DHRS4L2: variants seen among roughly 807,000 people sequenced by gnomAD.
DHRS4L2 encodes the protein dehydrogenase/reductase 4 like 2, also known as dehydrogenase/reductase SDR family member 4-like 2.
A neutral mutation model predicts 23.9 loss-of-function variants in DHRS4L2; 22 were observed. The observed-to-expected ratio is 0.92, with a 90% CI of 0.66 to 1.31. The LOEUF (loss-of-function observed/expected upper bound fraction) is 1.31. Among genes scored for constraint, DHRS4L2 ranks in the 40% most tolerant of loss-of-function variants. The pLI is 0.00. For synonymous variants in DHRS4L2, 141 were observed against 123.7 expected (o/e 1.14, Z -0.93); for missense variants, 385 against 303.3 (o/e 1.27, Z -2.00).
intron 1 of DHRS4L2, among the ~76,000 whole-genome samples, chr14:23,979,131 A>T (rs965982661): frequency 3.4e-5 from 5 of 147,970 alleles, no homozygotes; most frequent in African/African-American, 1.3e-4. Context: ...AGCAAAAAAA[A>T]GCAGGGGTTG....
chr14:23,993,151 A>C (rs1211692154), intron 2 of DHRS4L2, among the ~76,000 whole-genome samples: 1 of 151,164 alleles, frequency 6.6e-6, no homozygotes, highest in African/African-American at 2.4e-5. Context: ...ACACATGTGT[A>C]CTGAGCACAG....
At chr14:23,977,758 A>G (rs2033994280) in intron 1 of DHRS4L2, among the ~76,000 whole-genome samples, 1 of 151,590 alleles carries the variant, frequency 6.6e-6, no homozygotes, top group Non-Finnish European at 1.5e-5. Flanking sequence ...TTCTTAATTA[A>G]TGACCCTTGT....
At chr14:23,989,297 C>T (rs2034216783) in intron 1 of DHRS4L2, among the ~76,000 whole-genome samples, 1 of 151,730 alleles carries the variant, frequency 6.6e-6, no homozygotes, top group South Asian at 2.1e-4. Flanking sequence ...ACTGTGCCAC[C>T]TCTGTGCAGC....
rs565156121 is a variant in DHRS4L2, at chr14:23,971,232, A to G, written c.-176+900A>G. Among the ~76,000 whole-genome samples the G allele has an allele frequency of 1.7e-3, 263 of 152,154 alleles. 3 individuals carry two copies. The highest frequency in any genetic ancestry group is 2.7e-3 in the Non-Finnish European group (184 of 67,988). Reference sequence around the variant, plus strand: ...CTAAAGGAACATGTTCTAACCCATTACAAGGAAGCTAAAAACCTTCAAAAA... The same window carrying G: ...CTAAAGGAACATGTTCTAACCCATTGCAAGGAAGCTAAAAACCTTCAAAAA... On this transcript the variant is annotated intron_variant, in intron 1 of 5. Transcript: ENST00000534993.
chr14:23,988,459 G>A (rs994651310), upstream of DHRS4L2, among the ~76,000 whole-genome samples: 1 of 149,730 alleles, frequency 6.7e-6, no homozygotes, highest in Non-Finnish European at 1.5e-5. Context: ...TCACCTGGTG[G>A]ACTCCATGGG....
At chr14:23,999,998 A>C (rs1197768178) in intron 3 of DHRS4L2, among the ~76,000 whole-genome samples, 1 of 136,562 alleles carries the variant, frequency 7.3e-6, no homozygotes, top group Non-Finnish European at 1.5e-5. Context: ...CCCAGCCCTG[A>C]GTTTTTTTTT....
rs1426871623 is a variant in DHRS4L2 at position 24,004,406 on chromosome 14, A to C, written c.*22+14A>C. 183 of 1,596,386 alleles carry C rather than the reference A, an allele frequency of 1.1e-4. No individual in the cohort carries two copies. In the African/African-American group the frequency reaches 1.8e-3, roughly 16 times the overall value. On this transcript the variant is annotated intron_variant, in intron 7 of 7. Transcript: ENST00000335125. ...GCGGATAAGAAGGTAAACTGTCATG[A>C]GGGCAAGGGCACTAAGAGACATGAA... is the stretch of plus-strand genomic sequence containing the variant.
chr14:23,984,891 A>G (rs1481093066), upstream of DHRS4L2, among the ~76,000 whole-genome samples: 1 of 151,416 alleles, frequency 6.6e-6, no homozygotes, highest in South Asian at 2.1e-4. Flanking sequence ...ATAAAGACAA[A>G]TGAGTACATA....
In DHRS4L2 at chr14:23,993,444, A is replaced by T. The variant is rs376730288; in HGVS notation, c.307-1588A>T. Among the ~76,000 whole-genome samples the T allele has an allele frequency of 2.0e-4, 30 of 151,808 alleles. 1 individual carries two copies. The East Asian group carries it at 5.4e-3, about 27-fold the overall frequency. ...AACGGGAAGCTAGCAGATGGTGTAC[A>T]TTGTTAGTAACACCCCTCTCTGTGC... On this transcript the variant is annotated intron_variant, in intron 2 of 7. Transcript: ENST00000335125.
chr14:23,990,874 C>G, intron 2 of DHRS4L2: 2 of 640,748 alleles, frequency 3.1e-6, no homozygotes, highest in Non-Finnish European at 3.9e-6. Flanking sequence ...GGAGCAACTT[C>G]CCAAGGTCCC....
chr14:23,993,153 T>G (rs1274097091), intron 2 of DHRS4L2, among the ~76,000 whole-genome samples: 1 of 151,118 alleles, frequency 6.6e-6, no homozygotes, highest in Non-Finnish European at 1.5e-5. Flanking sequence ...ACATGTGTAC[T>G]GAGCACAGTG....
rs2033854011 is a variant in DHRS4L2 at position 23,971,309 on chromosome 14, T to A, written c.-176+977T>A. ...TGAAGAATGTAGAGAAGAGCTTAAATGACCTGATGGAGCTGATAACCACAG... is the reference window on the plus strand; with the variant it reads ...TGAAGAATGTAGAGAAGAGCTTAAAAGACCTGATGGAGCTGATAACCACAG... On this transcript the variant is annotated intron_variant, in intron 1 of 5. Coordinates refer to the DHRS4L2 transcript ENST00000534993. 2.6e-5 allele frequency among the ~76,000 whole-genome samples: 4 copies of A among 151,998 alleles called. No homozygotes were observed. In the South Asian group the frequency reaches 8.3e-4, roughly 32 times the overall value.
At chr14:23,977,834 G>C (rs376918856) in intron 1 of DHRS4L2, among the ~76,000 whole-genome samples, 7 of 151,394 alleles carry the variant, frequency 4.6e-5, no homozygotes. Context: ...CACAATTATT[G>C]CACCCTCTAA....
intron 1 of DHRS4L2, among the ~76,000 whole-genome samples, chr14:23,974,976 A>G (rs1012791676): frequency 6.6e-6 from 1 of 151,960 alleles, no homozygotes; most frequent in East Asian, 1.9e-4. Context: ...AGTATCCCTG[A>G]TGAACATCAA....
At chr14:23,993,379 A>C (rs1324454100) in intron 2 of DHRS4L2, among the ~76,000 whole-genome samples, 1 of 151,744 alleles carries the variant, frequency 6.6e-6, no homozygotes, top group African/African-American at 2.4e-5. Flanking sequence ...GTCTAGAAAC[A>C]ACTGAGCTTA....
At chr14:23,987,659 C>A (rs185657007), upstream of DHRS4L2, among the ~76,000 whole-genome samples, 1 of 151,640 alleles carries the variant, frequency 6.6e-6, no homozygotes, top group Non-Finnish European at 1.5e-5. Context: ...AAACAAAACA[C>A]TAACACACAC....
At chr14:23,979,198 G>A (rs1435398008) in intron 1 of DHRS4L2, among the ~76,000 whole-genome samples, 1 of 149,260 alleles carries the variant, frequency 6.7e-6, no homozygotes, top group Non-Finnish European at 1.5e-5. Context: ...AAGAGACAAG[G>A]CCATTACATA....
upstream of DHRS4L2, chr14:23,988,910 G>A (rs112947042): frequency 0.03 from 48,893 of 1,606,776 alleles, 1,749 homozygotes; most frequent in Non-Finnish European, 0.036. Flanking sequence ...TGTCACCTCC[G>A]CTGGAAGGAG....
At chr14:24,005,782 C>T (rs2034562955) in intron 7 of DHRS4L2, 104 bp from the exon 8 acceptor site, 4 of 1,548,664 alleles carry the variant, frequency 2.6e-6, no homozygotes, top group Non-Finnish European at 3.5e-6. Flanking sequence ...CCTGAAAAGT[C>T]ATCTGATAAT....
Sources: allele counts gnomAD v4.1 joint callset (sites outside exome capture counted in the v4.1 genomes callset), GRCh38; gene constraint gnomAD v4.1.1; transcripts MANE v1.5; gene names NCBI Gene and HGNC (gene_info 2026-07-23, HGNC 2026-07-21).